The following KIRREL3 variants were observed in gnomAD, a reference collection of about 807,000 sequenced individuals.
The protein encoded by KIRREL3 is kirre like nephrin family adhesion molecule 3.
In KIRREL3, 36 loss-of-function variants were observed where a neutral mutation model predicts 89.7. The ratio of observed to expected loss-of-function variants is 0.40; its 90% CI spans 0.31 to 0.53. The LOEUF (loss-of-function observed/expected upper bound fraction) is 0.53. Ranked by LOEUF, KIRREL3 falls within the 20% of genes least tolerant of loss-of-function variation. The pLI is 0.49. For missense variants in KIRREL3, 864 were observed against 1,056.6 expected, an observed-to-expected ratio of 0.82 and a Z score of 2.53; for synonymous variants, 445 against 441.4, an observed-to-expected ratio of 1.01 and a Z score of -0.10.
chr11:126,938,359 A>G (rs1465741796), intron 1 of KIRREL3, among the ~76,000 whole-genome samples: 1 of 152,220 alleles, frequency 6.6e-6, no homozygotes, highest in African/African-American at 2.4e-5. Flanking sequence ...CTTGACTGGC[A>G]TATTTTCTCT....
chr11:126,424,703 A>G lies in KIRREL3; in HGVS notation c.2214T>C (p.Asp738=), dbSNP rs2135589737. Residue 738 remains aspartate (D), a synonymous_variant, in exon 17 of 17, where the codon GAT becomes GAC. Coordinates refer to ENST00000525144, the MANE Select transcript of KIRREL3 (RefSeq NM_032531.4). ...TGGCCTTGTCGAACTGCACATAGCC[A>G]TCCTGCTTGCCGCTGCTGCTGACGC... is the stretch of plus-strand genomic sequence containing the variant. ...DSSVSSSGKQ[D]GYVQFDKASK... The G allele has an allele frequency of 6.2e-7, 1 of 1,613,996 alleles. No individual in the cohort carries two copies. Among genetic ancestry groups the G allele is most frequent in the South Asian group, 1.1e-5 (1 of 91,088 alleles).
intron 1 of KIRREL3, among the ~76,000 whole-genome samples, chr11:126,691,306 C>G (rs2135132924): frequency 6.6e-6 from 1 of 152,328 alleles, no homozygotes; most frequent in Middle Eastern, 3.4e-3. Flanking sequence ...GCAACTCTCT[C>G]TCACGTATAC....
intron 4 of KIRREL3, among the ~76,000 whole-genome samples, chr11:126,488,919 C>T (rs1957437457): frequency 6.6e-6 from 1 of 152,238 alleles, no homozygotes; most frequent in South Asian, 2.1e-4. Context: ...GGATCCTTGC[C>T]GCAGGCCACA....
Position 126,694,281 on chromosome 11 carries a change from T to A in KIRREL3, c.56-131369A>T, listed in dbSNP as rs142933357. 6.6e-6 allele frequency among the ~76,000 whole-genome samples: 1 copy of A among 152,226 alleles called. No homozygotes were observed. The highest frequency in any genetic ancestry group is 1.9e-4 in the East Asian group (1 of 5,196). ...TGGAAATGCTCACTGCAAATGGTTG[T>A]TCTTGTTTTATTGCTTATTTATGGG... is the stretch of plus-strand genomic sequence containing the variant. On this transcript the variant is annotated intron_variant, in intron 1 of 16. Coordinates refer to ENST00000525144, the MANE Select transcript of KIRREL3 (RefSeq NM_032531.4). This position sits in a 1 kb window ranked among gnomAD's most constrained non-coding sequence, Gnocchi z 4.4.
intron 4 of KIRREL3, among the ~76,000 whole-genome samples, chr11:126,497,739 A>C (rs1365040511): frequency 6.6e-6 from 1 of 152,230 alleles, no homozygotes; most frequent in Non-Finnish European, 1.5e-5. Context: ...GCCAGTGCAC[A>C]TGGATGCATG....
chr11:126,424,553 C>T lies in KIRREL3; in HGVS notation c.*27G>A, dbSNP rs1476996432. 4 of 1,608,760 alleles carry T rather than the reference C, an allele frequency of 2.5e-6. No homozygotes were observed. Among genetic ancestry groups the T allele is most frequent in the Non-Finnish European group, 3.4e-6 (4 of 1,177,078 alleles). ...GAACGTGCCCTGACCTCTTCCCTGG[C>T]CCGTCCCCACCCGCGGTGTGTGATC... On this transcript the variant is annotated 3_prime_UTR_variant, in exon 17 of 17. Coordinates refer to ENST00000525144, the MANE Select transcript of KIRREL3 (RefSeq NM_032531.4).
Position 126,905,916 on chromosome 11 carries a change from G to A in KIRREL3, c.55+94539C>T, listed in dbSNP as rs779606453. 1.1e-4 allele frequency among the ~76,000 whole-genome samples: 16 copies of A among 152,202 alleles called. No homozygotes were observed. Among genetic ancestry groups the A allele is most frequent in the African/African-American group, 2.2e-4 (9 of 41,442 alleles). ...GCAGCACAGCTAAGTGAGGATGCAC[G>A]GAGGAGATGAAACAGGCTGACAGGC... On this transcript the variant is annotated intron_variant, in intron 1 of 16. Transcript: ENST00000525144. This position sits in a 1 kb window ranked among gnomAD's most constrained non-coding sequence, Gnocchi z 5.0.
intron 1 of KIRREL3, among the ~76,000 whole-genome samples, chr11:126,632,649 C>T (rs939818318): frequency 2.3e-4 from 3 of 13,306 alleles, no homozygotes; most frequent in Non-Finnish European, 4.0e-4. Context: ...CGTTTACTTT[C>T]TTGTCTCTAT....
chr11:126,571,845 T>C lies in KIRREL3; in HGVS notation c.56-8933A>G, dbSNP rs1311598838. The stretch of plus-strand genomic sequence containing the variant: ...CCATGTGCAAGGATGCCTCAGCCCG[T>C]CTCTGATTTAACGTATCTAATTCCA... On this transcript the variant is annotated intron_variant, in intron 1 of 16. Transcript: ENST00000525144. The surrounding 1 kb of genome is among the most constrained non-coding windows in gnomAD (Gnocchi z 7.7). Among the ~76,000 whole-genome samples the C allele has an allele frequency of 1.3e-5, 2 of 152,186 alleles. No homozygotes were observed. The highest frequency in any genetic ancestry group is 2.4e-5 in the African/African-American group (1 of 41,442).
chr11:126,660,696 T>A (rs751407663), intron 1 of KIRREL3, among the ~76,000 whole-genome samples: 6 of 152,190 alleles, frequency 3.9e-5, no homozygotes, highest in Non-Finnish European at 7.4e-5. Flanking sequence ...TTGTTCAGCA[T>A]GTCACATTGA....
At chr11:126,767,626 T>C (rs1196480810) in intron 1 of KIRREL3, among the ~76,000 whole-genome samples, 2 of 152,192 alleles carry the variant, frequency 1.3e-5, no homozygotes, top group East Asian at 1.9e-4. Context: ...GTTCAGGTCA[T>C]TGTAGTGCTG....
In KIRREL3 at chr11:126,999,865, A is replaced by C. The variant is rs968389252; in HGVS notation, c.55+590T>G. Among the ~76,000 whole-genome samples, 4 of 152,188 alleles carry C rather than the reference A, an allele frequency of 2.6e-5. No homozygotes were observed. Among genetic ancestry groups the C allele is most frequent in the African/African-American group, 9.7e-5 (4 of 41,442 alleles). On this transcript the variant is annotated intron_variant, in intron 1 of 16. Transcript: ENST00000525144. This position sits in a 1 kb window ranked among gnomAD's most constrained non-coding sequence, Gnocchi z 5.7. ...AGTGCTGTGTAGGATTCAGAATTCAACCTAATTTAGGGAACTCGATGACGT... is the reference window on the plus strand; with the variant it reads ...AGTGCTGTGTAGGATTCAGAATTCACCCTAATTTAGGGAACTCGATGACGT...
chr11:126,986,153 C>G (rs573407244), intron 1 of KIRREL3, among the ~76,000 whole-genome samples: 4 of 152,146 alleles, frequency 2.6e-5, no homozygotes, highest in African/African-American at 9.7e-5. Context: ...GGCTGGCTCC[C>G]CCCAAGCCCC....
Position 126,473,439 on chromosome 11 carries a change from C to A in KIRREL3, c.461G>T (p.Gly154Val). The change falls in exon 5 of 17, where the codon GGG (glycine) becomes GTG (valine). Residue 154 changes from glycine (G) to valine (V), a missense_variant. Gly to Val is a moderately radical substitution (Grantham distance 109). Coordinates refer to ENST00000525144, the MANE Select transcript of KIRREL3 (RefSeq NM_032531.4). ...CGCACGCAGGCTGATCACAGGGCCC[C>A]CCAGGATGACGGGGTCATCAGGCGG... Reference protein sequence around the residue: ...LVPPDDPVILGGPVISLRAGD... With the variant: ...LVPPDDPVILVGPVISLRAGD... The A allele has an allele frequency of 6.4e-7, 1 of 1,569,122 alleles. No homozygotes were observed. The highest frequency in any genetic ancestry group is 2.3e-5 in the East Asian group (1 of 43,552).
chr11:126,473,659 A>G (rs1275702525), intron 4 of KIRREL3, among the ~76,000 whole-genome samples, 193 bp from the exon 5 acceptor site: 1 of 152,220 alleles, frequency 6.6e-6, no homozygotes, highest in African/African-American at 2.4e-5. Flanking sequence ...GCGTGCTTAC[A>G]GTGGAGGATA....
At chr11:126,480,123 T>A (rs1025513376) in intron 4 of KIRREL3, among the ~76,000 whole-genome samples, 45 of 152,226 alleles carry the variant, frequency 3.0e-4, no homozygotes, top group Admixed American at 2.6e-4. Flanking sequence ...CAGGGTGGCA[T>A]ATGCATTTGC....
chr11:126,450,031 A>G (rs1265989220), intron 7 of KIRREL3, among the ~76,000 whole-genome samples: 2 of 152,250 alleles, frequency 1.3e-5, no homozygotes, highest in African/African-American at 4.8e-5. Context: ...GGAGGACAGG[A>G]GGCCTCTGGC....
intron 1 of KIRREL3, among the ~76,000 whole-genome samples, chr11:126,998,244 A>AGATCAAGGCAAAAGATAACCATATCAC (rs1169395438): frequency 6.6e-6 from 1 of 152,258 alleles, no homozygotes; most frequent in Non-Finnish European, 1.5e-5. Flanking sequence ...AAATTTCCAC[A>AGATCAAGGCAAAAGATAACCATATCAC]GATCAAGGCA....
At chr11:126,928,039 T>C (rs897531548) in intron 1 of KIRREL3, among the ~76,000 whole-genome samples, 2 of 152,244 alleles carry the variant, frequency 1.3e-5, no homozygotes, top group African/African-American at 4.8e-5. Context: ...CCAGGCTGGA[T>C]GAAGGCTCCA....
Sources: allele counts gnomAD v4.1 joint callset (sites outside exome capture counted in the v4.1 genomes callset), GRCh38; gene constraint gnomAD v4.1.1; non-coding constraint Gnocchi (gnomAD v3.1); transcripts MANE v1.5; gene names NCBI Gene and HGNC (gene_info 2026-07-23, HGNC 2026-07-21).